Variants in PANX1 observed in about 807,000 individuals in gnomAD.
PANX1 encodes pannexin-1.
In PANX1, 30 loss-of-function variants were observed where a neutral mutation model predicts 38.7. That is an observed-to-expected ratio of 0.78 (90% confidence interval 0.58 to 1.05). The LOEUF (loss-of-function observed/expected upper bound fraction) is 1.05. Ranked by LOEUF, PANX1 falls within the 50% of genes least tolerant of loss-of-function variation. PANX1 has a pLI of 0.00. For synonymous variants in PANX1, 230 were observed against 212.2 expected (o/e 1.08, Z -0.73); for missense variants, 551 against 517.2 (o/e 1.07, Z -0.63).
intron 1 of PANX1, among the ~76,000 whole-genome samples, chr11:94,152,283 T>G (rs952669680): frequency 6.6e-6 from 1 of 152,220 alleles, no homozygotes; most frequent in Non-Finnish European, 1.5e-5. Flanking sequence ...TTTTGTGTGT[T>G]TTTTTAATTT....
chr11:94,173,266 G>C (rs1050299888), intron 2 of PANX1, among the ~76,000 whole-genome samples: 1 of 151,574 alleles, frequency 6.6e-6, no homozygotes, highest in African/African-American at 2.4e-5. Flanking sequence ...TAGGGTCTCA[G>C]GCCTGTTCGT....
intron 2 of PANX1, among the ~76,000 whole-genome samples, chr11:94,174,472 T>C (rs1371034435): frequency 6.6e-6 from 1 of 151,744 alleles, no homozygotes; most frequent in Non-Finnish European, 1.5e-5. Context: ...ATTGCCGCAC[T>C]GTACTTTAAG....
intron 2 of PANX1, among the ~76,000 whole-genome samples, chr11:94,162,509 C>T (rs1426785759): frequency 1.3e-4 from 20 of 152,232 alleles, no homozygotes; most frequent in Admixed American, 1.3e-3. Context: ...GCGTAGGACC[C>T]TCCGAGCCAG....
At chr11:94,137,132 C>T (rs981926314) in intron 1 of PANX1, among the ~76,000 whole-genome samples, 2 of 152,000 alleles carry the variant, frequency 1.3e-5, no homozygotes, top group Non-Finnish European at 2.9e-5. Context: ...GATGAAACTC[C>T]GTCTCTACTT....
intron 1 of PANX1, among the ~76,000 whole-genome samples, chr11:94,137,871 A>ACTTTTAAAAAGTTTTG (rs1946719951): frequency 4.2e-4 from 10 of 23,766 alleles, no homozygotes; most frequent in African/African-American, 4.1e-3. Context: ...CTATTCTTGA[A>ACTTTTAAAAAGTTTTG]AAACCAAACA....
At chr11:94,140,309 A>G (rs565068498) in intron 1 of PANX1, among the ~76,000 whole-genome samples, 1 of 152,308 alleles carries the variant, frequency 6.6e-6, no homozygotes, top group Admixed American at 6.5e-5. Context: ...CCAAATGTCT[A>G]TATATGTCGA....
chr11:94,144,934 T>C (rs1946810151), intron 1 of PANX1, among the ~76,000 whole-genome samples: 1 of 152,194 alleles, frequency 6.6e-6, no homozygotes, highest in Non-Finnish European at 1.5e-5. Context: ...AATGAGAGAA[T>C]CTAATTCCTG....
chr11:94,132,866 T>C (rs1215550676), intron 1 of PANX1, among the ~76,000 whole-genome samples: 2 of 152,212 alleles, frequency 1.3e-5, no homozygotes, highest in African/African-American at 4.8e-5. Context: ...TTAAAGAAAA[T>C]CTATTAAATC....
intron 2 of PANX1, among the ~76,000 whole-genome samples, chr11:94,158,703 A>G (rs1451785305): frequency 1.3e-5 from 2 of 152,222 alleles, no homozygotes; most frequent in East Asian, 3.8e-4. Context: ...AACAGGGACA[A>G]TTTGACTTCC....
chr11:94,137,434 A>G (rs1225745902), intron 1 of PANX1, among the ~76,000 whole-genome samples: 1 of 152,130 alleles, frequency 6.6e-6, no homozygotes, highest in Non-Finnish European at 1.5e-5. Flanking sequence ...GCTTTCTTGG[A>G]TTGCTTCCTT....
At chr11:94,148,163 C>T (rs1467033406) in intron 1 of PANX1, among the ~76,000 whole-genome samples, 1 of 152,078 alleles carries the variant, frequency 6.6e-6, no homozygotes, top group African/African-American at 2.4e-5. Flanking sequence ...AGAGTCAGTT[C>T]CCACAGAAGA....
chr11:94,164,540 C>T (rs1947081551), intron 2 of PANX1, among the ~76,000 whole-genome samples: 2 of 152,136 alleles, frequency 1.3e-5, no homozygotes, highest in Admixed American at 1.3e-4. Context: ...ACCTTGTGGT[C>T]AGAAAAGATA....
intron 3 of PANX1, 58 bp downstream of exon 3, chr11:94,178,650 C>T (rs117410859): frequency 0.02 from 26,118 of 1,337,336 alleles, 303 homozygotes; most frequent in Non-Finnish European, 0.024. Flanking sequence ...CTCTGCCCTT[C>T]TACTGCCAGT....
intron 2 of PANX1, among the ~76,000 whole-genome samples, chr11:94,158,208 T>G (rs1030386493): frequency 4.6e-5 from 7 of 152,098 alleles, no homozygotes; most frequent in Admixed American, 3.3e-4. Flanking sequence ...TTCTTTTGGC[T>G]TAGGATTGAC....
intron 1 of PANX1, among the ~76,000 whole-genome samples, chr11:94,140,060 T>C (rs923953905): frequency 1.2e-4 from 19 of 152,196 alleles, no homozygotes; most frequent in African/African-American, 4.6e-4. Context: ...ATGGGCTAAA[T>C]AGAGTAGAAA....
intron 3 of PANX1, among the ~76,000 whole-genome samples, chr11:94,178,821 CCCT>C (rs1565386829): frequency 6.6e-6 from 1 of 152,112 alleles, no homozygotes; most frequent in Non-Finnish European, 1.5e-5. Flanking sequence ...AAGACTCATT[CCCT>C]TGATGAGTGA....
At chr11:94,141,528 T>G (rs1946761523) in intron 1 of PANX1, among the ~76,000 whole-genome samples, 2 of 152,236 alleles carry the variant, frequency 1.3e-5, no homozygotes, top group Admixed American at 1.3e-4. Flanking sequence ...CTTGTTTTCC[T>G]TGGCTTATGA....
chr11:94,162,578 T>G (rs957600789), intron 2 of PANX1, among the ~76,000 whole-genome samples: 8 of 152,192 alleles, frequency 5.3e-5, no homozygotes, highest in Non-Finnish European at 1.5e-5. Flanking sequence ...AGCGCAGTAT[T>G]AGGGTGGGAG....
intron 1 of PANX1, among the ~76,000 whole-genome samples, chr11:94,144,441 A>C (rs1229135295): frequency 6.7e-6 from 1 of 149,438 alleles, no homozygotes; most frequent in African/African-American, 2.5e-5. Context: ...CACCAGGTGA[A>C]CTCCACCTGG....
Sources: allele counts gnomAD v4.1 joint callset (sites outside exome capture counted in the v4.1 genomes callset), GRCh38; gene constraint gnomAD v4.1.1; transcripts MANE v1.5; gene names NCBI Gene and HGNC (gene_info 2026-07-23, HGNC 2026-07-21).